The following AHCTF1 variants were observed in gnomAD, a reference collection of about 807,000 sequenced individuals.
The protein encoded by AHCTF1 is AT-hook containing transcription factor 1.
Under a neutral mutation model 248.4 loss-of-function variants are expected in AHCTF1, and 24 were observed. That is an observed-to-expected ratio of 0.10 (90% confidence interval 0.07 to 0.14). AHCTF1 has a LOEUF of 0.14. Ranked by LOEUF, AHCTF1 falls within the 10% of genes least tolerant of loss-of-function variation. The pLI is 1.00. For synonymous variants in AHCTF1, 786 were observed against 929.8 expected (o/e 0.85, Z 2.81); for missense variants, 2,206 against 2,636.2 (o/e 0.84, Z 3.57).
rs532365579 is a variant in AHCTF1, at chr1:246,868,151, C to T, written c.3089-340G>A. 2.7e-3 allele frequency among the ~76,000 whole-genome samples: 381 copies of T among 139,960 alleles called. 3 individuals are homozygous for T. The highest frequency in any genetic ancestry group is 8.6e-3 in the African/African-American group (314 of 36,448). The allele number at this position is 139,960 out of a possible 152,430, so 91.8% of individuals were successfully genotyped here. A position where few individuals can be genotyped will look rare whatever the true frequency, so the allele number is the denominator to read the frequency against. ...TAATTTTTTTTTTTTTTTTTTGAGA[C>T]GGAGTCTTGCTCTGTAGCCCAGGCT... On this transcript the variant is annotated intron_variant, in intron 24 of 35. Coordinates refer to ENST00000648844, the MANE Select transcript of AHCTF1 (RefSeq NM_001323342.2).
At position 246,863,935 on chromosome 1, in the gene AHCTF1, G is replaced by C. The variant is rs757788540; in HGVS notation, c.3529C>G (p.Leu1177Val). 9 of 1,613,942 alleles carry C rather than the reference G, an allele frequency of 5.6e-6. No homozygotes were observed. The highest frequency in any genetic ancestry group is 6.8e-6 in the Non-Finnish European group (8 of 1,179,848). The stretch of plus-strand genomic sequence containing the variant: ...GCGTAAATACTAACCTTAACTACAA[G>C]AGGAGTTTCAAGCAAATGTAATTCT... Reference protein sequence around the residue: ...ASELHLLETPLVVKKAKSLAM... With the variant: ...ASELHLLETPVVVKKAKSLAM... The change falls in exon 27 of 36, where the codon CTT becomes GTT. Residue 1177 changes from leucine (L) to valine (V), a missense_variant. Physicochemically the swap from Leu to Val is conservative, Grantham distance 32. Coordinates refer to ENST00000648844, the MANE Select transcript of AHCTF1 (RefSeq NM_001323342.2).
intron 21 of AHCTF1, among the ~76,000 whole-genome samples, chr1:246,883,308 T>C (rs895097520): frequency 6.6e-6 from 1 of 152,234 alleles, no homozygotes; most frequent in Non-Finnish European, 1.5e-5. Context: ...CCTCTATCCA[T>C]GGTTCAAGGA....
Position 246,868,714 on chromosome 1 carries a change from AAC to A in AHCTF1, c.3089-905_3089-904del, listed in dbSNP as rs574155585. 2.2e-4 allele frequency among the ~76,000 whole-genome samples: 33 copies of A among 151,516 alleles called. No homozygotes were observed. In the East Asian group the frequency reaches 6.0e-3, roughly 27 times the overall value. ...TTCATTATGCATACACTAGTAAATAAACAGTCAAATCTTCTAAGAAAGGCTTA... is the reference window on the plus strand; with the variant it reads ...TTCATTATGCATACACTAGTAAATAAAGTCAAATCTTCTAAGAAAGGCTTA... On this transcript the variant is annotated intron_variant, in intron 24 of 35. Coordinates refer to ENST00000648844, the MANE Select transcript of AHCTF1 (RefSeq NM_001323342.2).
At chr1:246,858,214 C>T (rs1661249213) in intron 29 of AHCTF1, among the ~76,000 whole-genome samples, 1 of 152,200 alleles carries the variant, frequency 6.6e-6, no homozygotes. Flanking sequence ...CCACCTGGGC[C>T]TCCCAAAGTG....
chr1:246,931,047 C>T, intron 1 of AHCTF1: 1 of 1,484,572 alleles, frequency 6.7e-7, no homozygotes, highest in East Asian at 2.6e-5. Context: ...TATTTTAAAT[C>T]TCCTTGATCT....
intron 24 of AHCTF1, among the ~76,000 whole-genome samples, chr1:246,871,964 C>A (rs1234569339): frequency 3.3e-5 from 5 of 151,520 alleles, no homozygotes; most frequent in Non-Finnish European, 7.4e-5. Context: ...CTCCACAAGT[C>A]CCAGCCTCAG....
intron 1 of AHCTF1, among the ~76,000 whole-genome samples, chr1:246,927,478 G>A (rs1667020522): frequency 6.6e-6 from 1 of 152,020 alleles, no homozygotes; most frequent in Admixed American, 6.6e-5. Flanking sequence ...AACACAGCCT[G>A]ACTGTCTCAA....
At chr1:246,871,241 G>A (rs752444713) in intron 24 of AHCTF1, among the ~76,000 whole-genome samples, 5 of 152,152 alleles carry the variant, frequency 3.3e-5, no homozygotes, top group Non-Finnish European at 1.5e-5. Flanking sequence ...CCATGACTCA[G>A]ACATTAATGG....
At chr1:246,912,554 T>C (rs1471980290) in intron 4 of AHCTF1, among the ~76,000 whole-genome samples, 1 of 152,056 alleles carries the variant, frequency 6.6e-6, no homozygotes, top group African/African-American at 2.4e-5. Flanking sequence ...AAATACTCCT[T>C]TTCTAAAAAT....
intron 31 of AHCTF1, among the ~76,000 whole-genome samples, chr1:246,854,699 G>C (rs1443213109): frequency 6.6e-6 from 1 of 152,102 alleles, no homozygotes; most frequent in African/African-American, 2.4e-5. Flanking sequence ...GACAACTCTA[G>C]GAAATGGGTC....
intron 4 of AHCTF1, among the ~76,000 whole-genome samples, chr1:246,910,482 CAGA>C (rs1438318819): frequency 6.6e-6 from 1 of 152,092 alleles, no homozygotes; most frequent in Non-Finnish European, 1.5e-5. Flanking sequence ...TAAACTAACA[CAGA>C]AGAAAAGAGG....
chr1:246,844,827 T>C (rs1038294515), intron 33 of AHCTF1, among the ~76,000 whole-genome samples: 10 of 149,570 alleles, frequency 6.7e-5, no homozygotes, highest in Admixed American at 2.0e-4. Flanking sequence ...TTTTTAACTA[T>C]AGGGCCCCCA....
At chr1:246,908,314 A>G (rs1401061015) in intron 4 of AHCTF1, among the ~76,000 whole-genome samples, 1 of 135,454 alleles carries the variant, frequency 7.4e-6, no homozygotes, top group Non-Finnish European at 1.6e-5. Context: ...TGAAAAATTC[A>G]CAGGGATACA....
rs1465766824 is a variant in AHCTF1 at position 246,861,308 on chromosome 1, A to AT, written c.3736-14dup. 1.8e-5 allele frequency: 28 copies of AT among 1,587,070 alleles called. No individual in the cohort carries two copies. The Admixed American group carries it at 3.7e-4, about 21-fold the overall frequency. On this transcript the variant is annotated splice_polypyrimidine_tract_variant and intron_variant, in intron 28 of 35. Transcript: ENST00000648844. ...TATCATCTGCAGCCTGTAAAGTAAG[A>AT]TTTTGAAAAGAAAAAAATTAGTAAA...
intron 21 of AHCTF1, among the ~76,000 whole-genome samples, chr1:246,881,213 AAAG>A (rs1663379098): frequency 1.3e-5 from 2 of 152,244 alleles, no homozygotes; most frequent in African/African-American, 4.8e-5. Context: ...TATTCATAAT[AAAG>A]AAGGTTACCA....
intron 1 of AHCTF1, among the ~76,000 whole-genome samples, chr1:246,929,934 C>T (rs892926284): frequency 1.3e-5 from 2 of 152,068 alleles, no homozygotes; most frequent in African/African-American, 2.4e-5. Flanking sequence ...CGCCTGTAAT[C>T]CCAGCTACTC....
intron 21 of AHCTF1, among the ~76,000 whole-genome samples, chr1:246,881,957 G>A (rs1233721854): frequency 6.6e-6 from 1 of 151,280 alleles, no homozygotes; most frequent in African/African-American, 2.4e-5. Flanking sequence ...TGGGATTACA[G>A]GCATGAGCCA....
chr1:246,890,673 G>C (rs1432971017), intron 16 of AHCTF1, among the ~76,000 whole-genome samples: 2 of 152,090 alleles, frequency 1.3e-5, no homozygotes, highest in African/African-American at 4.8e-5. Flanking sequence ...ATAATAGCTA[G>C]TAATATTGCT....
At chr1:246,895,182 T>G (rs1664485743) in intron 13 of AHCTF1, among the ~76,000 whole-genome samples, 1 of 152,176 alleles carries the variant, frequency 6.6e-6, no homozygotes, top group Non-Finnish European at 1.5e-5. Flanking sequence ...CCCTCTAAAT[T>G]GAAATAAAGG....
Sources: gnomAD v4.1 joint callset for allele counts (sites outside exome capture counted in the v4.1 genomes callset) on GRCh38, gnomAD v4.1.1 for gene constraint, MANE v1.5 for transcripts, NCBI Gene and HGNC (gene_info 2026-07-23, HGNC 2026-07-21) for gene names.